MRPS28: variants seen among roughly 807,000 people sequenced by gnomAD.
MRPS28 encodes the protein small ribosomal subunit protein bS1m.
In MRPS28, 7 loss-of-function variants were observed where a neutral mutation model predicts 10.8. That is an observed-to-expected ratio of 0.65 (90% CI 0.37 to 1.22). The LOEUF is 1.22. Among genes scored for constraint, MRPS28 ranks in the 50% most tolerant of loss-of-function variants. The pLI is 0.02. For synonymous variants in MRPS28, 121 were observed against 93.3 expected (o/e 1.30, Z -1.71); for missense variants, 265 against 232.9 (o/e 1.14, Z -0.90).
intron 2 of MRPS28, among the ~76,000 whole-genome samples, chr8:79,995,480 T>C (rs1262314954): frequency 1.3e-5 from 2 of 152,202 alleles, no homozygotes; most frequent in South Asian, 4.1e-4. Context: ...TTTTTGCTAC[T>C]GCCCCTACTG....
intron 1 of MRPS28, chr8:80,028,645 C>CGGGGGGGG (rs1554575872): frequency 3.0e-4 from 1 of 3,332 alleles, no homozygotes; most frequent in African/African-American, 1.5e-3. Flanking sequence ...AAGCAGAAGA[C>CGGGGGGGG]GGGCGGGGGG....
chr8:80,005,721 T>C (rs544216666), intron 1 of MRPS28, among the ~76,000 whole-genome samples: 361 of 152,310 alleles, frequency 2.4e-3, no homozygotes, highest in Middle Eastern at 0.01. Context: ...CCCATCAGTG[T>C]GCTGTATTTA....
intron 2 of MRPS28, among the ~76,000 whole-genome samples, chr8:79,985,465 C>CA (rs1808127138): frequency 6.6e-6 from 1 of 151,906 alleles, no homozygotes; most frequent in Admixed American, 6.6e-5. Flanking sequence ...AAAAACCCTT[C>CA]AAAAAATTAA....
chr8:79,939,846 T>G (rs1806715967), intron 2 of MRPS28, among the ~76,000 whole-genome samples: 1 of 151,968 alleles, frequency 6.6e-6, no homozygotes, highest in African/African-American at 2.4e-5. Context: ...GGCGGGCGCC[T>G]GTAGTCCCAG....
At chr8:79,986,774 G>C (rs1055358736) in intron 2 of MRPS28, among the ~76,000 whole-genome samples, 17 of 152,050 alleles carry the variant, frequency 1.1e-4, no homozygotes, top group East Asian at 5.8e-4. Context: ...CGAAATAAAA[G>C]AGGATACAAA....
At chr8:80,013,304 G>A (rs1425974961) in intron 1 of MRPS28, among the ~76,000 whole-genome samples, 1 of 151,874 alleles carries the variant, frequency 6.6e-6, no homozygotes, top group Non-Finnish European at 1.5e-5. Flanking sequence ...AATTAGAAAT[G>A]GGAGACAACA....
At chr8:79,990,843 A>G (rs955807418) in intron 2 of MRPS28, among the ~76,000 whole-genome samples, 1 of 151,662 alleles carries the variant, frequency 6.6e-6, no homozygotes, top group African/African-American at 2.4e-5. Context: ...AAAAATTCAA[A>G]ATTAGCTGGG....
intron 2 of MRPS28, among the ~76,000 whole-genome samples, chr8:79,953,173 C>T (rs1449426825): frequency 1.3e-5 from 2 of 152,156 alleles, no homozygotes; most frequent in African/African-American, 4.8e-5. Context: ...CAGCAGGCTG[C>T]AGCCGTTTTC....
At chr8:79,950,499 C>T (rs1394492083) in intron 2 of MRPS28, among the ~76,000 whole-genome samples, 1 of 152,086 alleles carries the variant, frequency 6.6e-6, no homozygotes, top group Non-Finnish European at 1.5e-5. Flanking sequence ...CATGATGATT[C>T]TTTCAATGAT....
chr8:79,919,497 C>A (rs978544978), intron 2 of MRPS28, among the ~76,000 whole-genome samples: 1 of 152,140 alleles, frequency 6.6e-6, no homozygotes, highest in Non-Finnish European at 1.5e-5. Flanking sequence ...TGTACCACCA[C>A]GGCCAGCTAA....
chr8:80,005,580 T>C (rs1014095741), intron 1 of MRPS28, among the ~76,000 whole-genome samples: 2 of 152,224 alleles, frequency 1.3e-5, no homozygotes, highest in African/African-American at 4.8e-5. Flanking sequence ...CATAAACTAA[T>C]GAGCAAAACA....
rs1455241363 is a variant in MRPS28 at position 80,003,163 on chromosome 8, C to T, written c.231G>A (p.Val77=). Residue 77 remains valine, a synonymous_variant, in exon 2 of 3, where the codon GTG becomes GTA. Coordinates refer to ENST00000276585, the MANE Select transcript of MRPS28 (RefSeq NM_014018.3). ...EPLQKGSPKN[V]ESFASMLRHS... ...GTCTCAGCATAGATGCAAAGGATTC[C>T]ACATTTTTTGGAGAACCCTAAATAT... The T allele has an allele frequency of 6.3e-7, 1 of 1,583,804 alleles. No individual in the cohort carries two copies. Among genetic ancestry groups the T allele is most frequent in the Admixed American group, 1.9e-5 (1 of 51,472 alleles).
chr8:80,022,305 C>T (rs538697308), intron 1 of MRPS28, among the ~76,000 whole-genome samples: 13 of 152,218 alleles, frequency 8.5e-5, no homozygotes, highest in South Asian at 2.1e-4. Context: ...TAGTATTCCA[C>T]GGTAAGGATG....
intron 2 of MRPS28, among the ~76,000 whole-genome samples, chr8:79,976,149 T>G (rs1001069450): frequency 2.0e-5 from 3 of 151,910 alleles, no homozygotes; most frequent in Admixed American, 6.6e-5. Context: ...AATGGCGCAA[T>G]CTCAGCTCAC....
intron 2 of MRPS28, among the ~76,000 whole-genome samples, chr8:79,946,299 C>G (rs1048867461): frequency 6.6e-6 from 1 of 152,160 alleles, no homozygotes; most frequent in African/African-American, 2.4e-5. Flanking sequence ...ATCTGATAAT[C>G]AGTACTCTTA....
rs2129821562 is a variant in MRPS28, at chr8:79,918,791, A to C, written c.*189T>G. ...GTATACTATCCCCACCAAAGGAAAAAAACATTAAGAGCAAAACAAGGGGTG... is the reference window on the plus strand; with the variant it reads ...GTATACTATCCCCACCAAAGGAAAACAACATTAAGAGCAAAACAAGGGGTG... On this transcript the variant is annotated 3_prime_UTR_variant, in exon 3 of 3. Transcript: ENST00000276585. 3.5e-6 allele frequency: 1 copy of C among 285,660 alleles called. No individual in the cohort carries two copies. The highest frequency in any genetic ancestry group is 7.7e-5 in the South Asian group (1 of 12,916). The allele number at this position is 285,660 out of a possible 1,614,324, so 17.7% of individuals were successfully genotyped here.
At chr8:79,926,743 G>A (rs183243331) in intron 2 of MRPS28, among the ~76,000 whole-genome samples, 10 of 152,312 alleles carry the variant, frequency 6.6e-5, no homozygotes, top group Admixed American at 5.9e-4. Flanking sequence ...AGTTTACAGT[G>A]ACAGACTTGG....
intron 2 of MRPS28, among the ~76,000 whole-genome samples, chr8:79,974,573 A>G (rs981242976): frequency 6.6e-6 from 1 of 150,640 alleles, no homozygotes; most frequent in Non-Finnish European, 1.5e-5. Flanking sequence ...AAATAAAAAA[A>G]CAAAAAAAAA....
chr8:79,996,921 T>C (rs1808515451), intron 2 of MRPS28, among the ~76,000 whole-genome samples: 1 of 152,244 alleles, frequency 6.6e-6, no homozygotes, highest in South Asian at 2.1e-4. Context: ...AATCCCTGCT[T>C]TGTTAATCCC....
Sources: gnomAD v4.1 joint callset for allele counts (sites outside exome capture counted in the v4.1 genomes callset) on GRCh38, gnomAD v4.1.1 for gene constraint, MANE v1.5 for transcripts, NCBI Gene and HGNC (gene_info 2026-07-23, HGNC 2026-07-21) for gene names.